PDE6A: variants seen among roughly 807,000 people sequenced by gnomAD.
The protein encoded by PDE6A is phosphodiesterase 6A.
PDE6A carries 84 observed loss-of-function variants against 106.3 expected under a neutral mutation model. The observed-to-expected ratio is 0.79, with a 90% CI of 0.66 to 0.95. The LOEUF (loss-of-function observed/expected upper bound fraction) is 0.95, where lower values mean the gene tolerates loss of function less well. Among genes scored for constraint, PDE6A ranks in the 40% least tolerant of loss-of-function variants. The probability of loss-of-function intolerance (pLI) is 0.00; values close to 1 mark genes in which losing one functional copy is unlikely to be tolerated. For missense variants in PDE6A, 1,052 were observed against 1,084.9 expected (o/e 0.97, Z 0.43); for synonymous variants, 394 against 386.6 (o/e 1.02, Z -0.23).
At chr5:149,887,921 T>C (rs1287893351) in intron 13 of PDE6A, among the ~76,000 whole-genome samples, 1 of 152,172 alleles carries the variant, frequency 6.6e-6, no homozygotes, top group East Asian at 1.9e-4. Flanking sequence ...TTCTGTAGAT[T>C]TTATGCTGGG....
chr5:149,937,802 A>G (rs1469061426), intron 1 of PDE6A, among the ~76,000 whole-genome samples: 1 of 152,216 alleles, frequency 6.6e-6, no homozygotes, highest in Non-Finnish European at 1.5e-5. Context: ...TTACTGAGTA[A>G]TAATGACTAG....
chr5:149,910,190 T>C (rs1028873410), intron 6 of PDE6A, among the ~76,000 whole-genome samples: 5 of 108,136 alleles, frequency 4.6e-5, no homozygotes, highest in African/African-American at 1.9e-4. Flanking sequence ...CTCTTTGGTA[T>C]GTCTATTTTT....
At chr5:149,898,572 A>C in intron 9 of PDE6A, 66 bp from the exon 10 acceptor site, 198 of 1,519,326 alleles carry the variant, frequency 1.3e-4, no homozygotes, top group Non-Finnish European at 1.6e-4. Context: ...TCTAAAACTC[A>C]TAGCAAGAGT....
chr5:149,926,285 G>C (rs899850966), intron 4 of PDE6A, among the ~76,000 whole-genome samples: 1 of 151,820 alleles, frequency 6.6e-6, no homozygotes, highest in Non-Finnish European at 1.5e-5. Context: ...TATACCAATG[G>C]AACAAAATAG....
chr5:149,867,812 G>T lies in PDE6A; in HGVS notation c.2200-13C>A. ...CCAGCAGAGCTACCTGCAACAGACA[G>T]ACCCTCACACACGCAGAGTCAGAGC... On this transcript the variant is annotated splice_polypyrimidine_tract_variant and intron_variant, in intron 18 of 21. Transcript: ENST00000255266. 1 of 1,611,448 alleles carries T rather than the reference G, an allele frequency of 6.2e-7. No homozygotes were observed. Among genetic ancestry groups the T allele is most frequent in the Non-Finnish European group, 8.5e-7 (1 of 1,179,606 alleles).
chr5:149,871,142 G>A (rs2113518164), intron 17 of PDE6A, among the ~76,000 whole-genome samples: 2 of 152,212 alleles, frequency 1.3e-5, no homozygotes, highest in Admixed American at 1.3e-4. Context: ...TAGAAGACAG[G>A]GTCTTTGTGG....
At chr5:149,879,159 C>T (rs1226300486) in intron 17 of PDE6A, among the ~76,000 whole-genome samples, 1 of 152,108 alleles carries the variant, frequency 6.6e-6, no homozygotes, top group Non-Finnish European at 1.5e-5. Flanking sequence ...GCAACCTCCA[C>T]CTCCCACATT....
At position 149,944,689 on chromosome 5, in the gene PDE6A, T is replaced by C. The variant is rs1278945005; in HGVS notation, c.-16A>G. 6.3e-7 allele frequency: 1 copy of C among 1,588,018 alleles called. No individual in the cohort carries two copies. The highest frequency in any genetic ancestry group is 1.1e-5 in the South Asian group (1 of 88,696). ...CCTCGCCCATGGCTGGGAATCCCAC[T>C]GGCTACTCTGTAGAAGGACTGGGAC... On this transcript the variant is annotated 5_prime_UTR_variant, in exon 1 of 22. Transcript: ENST00000255266.
At chr5:149,931,249 G>C in intron 3 of PDE6A, 81 bp from the exon 4 acceptor site, 2 of 1,352,652 alleles carry the variant, frequency 1.5e-6, no homozygotes, top group Non-Finnish European at 2.1e-6. Context: ...CAACAATTCT[G>C]TAAAGTTGTC....
At chr5:149,943,012 T>G (rs1754363883) in intron 1 of PDE6A, among the ~76,000 whole-genome samples, 1 of 151,722 alleles carries the variant, frequency 6.6e-6, no homozygotes, top group Non-Finnish European at 1.5e-5. Flanking sequence ...GGCCTTCCTC[T>G]TTCACTAATC....
In PDE6A at chr5:149,899,384, C is replaced by T. The variant is rs372386794; in HGVS notation, c.1254G>A (p.Thr418=). ...TCCTAGCAAGCCATACCTCCATGAG[C>T]GTCTCATCCATTTCATCAAAGGGCT... ...DGKPFDEMDE[T]LMESLTQFLG... is the part of the protein sequence containing the mutation. The change falls in exon 9 of 22, where the codon ACG becomes ACA. Residue 418 remains threonine (T), a synonymous_variant. Coordinates refer to ENST00000255266, the MANE Select transcript of PDE6A (RefSeq NM_000440.3). 1.9e-5 allele frequency: 31 copies of T among 1,614,130 alleles called. No individual in the cohort carries two copies. Among genetic ancestry groups the T allele is most frequent in the African/African-American group, 9.3e-5 (7 of 75,046 alleles).
chr5:149,939,343 AC>A (rs1754268308), intron 1 of PDE6A, among the ~76,000 whole-genome samples: 1 of 152,110 alleles, frequency 6.6e-6, no homozygotes, highest in Non-Finnish European at 1.5e-5. Flanking sequence ...ACTCAGAAAA[AC>A]ACCCTGAATC....
chr5:149,908,395 G>C (rs546689955), intron 6 of PDE6A, among the ~76,000 whole-genome samples: 29 of 152,256 alleles, frequency 1.9e-4, no homozygotes, highest in Non-Finnish European at 3.8e-4. Context: ...AGGCCAAACT[G>C]TTTTCTAAAA....
At position 149,944,373 on chromosome 5, in the gene PDE6A, T is replaced by C. The variant is rs992173173; in HGVS notation, c.301A>G (p.Thr101Ala). 2.5e-6 allele frequency: 4 copies of C among 1,613,968 alleles called. No homozygotes were observed. The highest frequency in any genetic ancestry group is 3.4e-6 in the Non-Finnish European group (4 of 1,180,024). The change falls in exon 1 of 22, where the codon ACC becomes GCC. Residue 101 changes from threonine to alanine, a missense_variant. Coordinates refer to ENST00000255266, the MANE Select transcript of PDE6A (RefSeq NM_000440.3). Reference sequence around the variant, plus strand: ...GCCAGCTCTGCGATGCCATTGCGGGTCCGGTACATGAACAGGCTCATGCGG... The same window carrying C: ...GCCAGCTCTGCGATGCCATTGCGGGCCCGGTACATGAACAGGCTCATGCGG... The part of the protein sequence containing the change: ...ADRMSLFMYR[T>A]RNGIAELATR...
intron 6 of PDE6A, among the ~76,000 whole-genome samples, chr5:149,914,540 T>A (rs1318002205): frequency 6.6e-6 from 1 of 152,128 alleles, no homozygotes; most frequent in East Asian, 1.9e-4. Context: ...CTAAACTAAG[T>A]TGTTTTCTGA....
At chr5:149,919,400 C>T (rs149776911) in intron 5 of PDE6A, among the ~76,000 whole-genome samples, 11,925 of 152,052 alleles carry the variant, frequency 0.078, 504 homozygotes, top group South Asian at 0.17. Context: ...CCCAGCTACT[C>T]GGGAATCTGA....
chr5:149,934,406 T>A (rs1419757083), intron 2 of PDE6A, among the ~76,000 whole-genome samples, 160 bp downstream of exon 2: 1 of 152,236 alleles, frequency 6.6e-6, no homozygotes, highest in African/African-American at 2.4e-5. Context: ...CCCAATGTCT[T>A]AACTATTATT....
chr5:149,939,485 G>A (rs893391980), intron 1 of PDE6A, among the ~76,000 whole-genome samples: 2 of 152,092 alleles, frequency 1.3e-5, no homozygotes, highest in African/African-American at 4.8e-5. Context: ...ACTCAAACCT[G>A]GTACAGCATC....
At chr5:149,940,394 T>C (rs1468559792) in intron 1 of PDE6A, among the ~76,000 whole-genome samples, 1 of 152,118 alleles carries the variant, frequency 6.6e-6, no homozygotes, top group Non-Finnish European at 1.5e-5. Context: ...CAAGAGGAGA[T>C]GACGGGAGCC....
Sources: gnomAD v4.1 joint callset for allele counts (sites outside exome capture counted in the v4.1 genomes callset) on GRCh38, gnomAD v4.1.1 for gene constraint, MANE v1.5 for transcripts, NCBI Gene and HGNC (gene_info 2026-07-23, HGNC 2026-07-21) for gene names.